Variants in DCUN1D2 observed in about 807,000 individuals in gnomAD.
DCUN1D2 encodes defective in cullin neddylation 1 domain containing 2.
A neutral mutation model predicts 30.9 loss-of-function variants in DCUN1D2; 29 were observed. That is an observed-to-expected ratio of 0.94 (90% CI 0.70 to 1.28). The LOEUF (loss-of-function observed/expected upper bound fraction) is 1.28, where lower values mean the gene tolerates loss of function less well. Ranked by LOEUF, DCUN1D2 falls within the 50% of genes most tolerant of loss-of-function variation. The pLI is 0.00. For missense variants in DCUN1D2, 325 were observed against 316.9 expected, an observed-to-expected ratio of 1.03 and a Z score of -0.19; for synonymous variants, 121 against 115.3, an observed-to-expected ratio of 1.05 and a Z score of -0.32.
intron 4 of DCUN1D2, among the ~76,000 whole-genome samples, chr13:113,463,345 A>G (rs1363515511): frequency 6.6e-6 from 1 of 152,190 alleles, no homozygotes; most frequent in Non-Finnish European, 1.5e-5. Flanking sequence ...AAAGTACCTT[A>G]GGGCAGACAT....
intron 4 of DCUN1D2, among the ~76,000 whole-genome samples, chr13:113,471,208 A>G (rs970384771): frequency 6.8e-6 from 1 of 146,608 alleles, no homozygotes; most frequent in Non-Finnish European, 1.5e-5. Flanking sequence ...AACTCCACAG[A>G]AGACCCAACT....
intron 2 of DCUN1D2, among the ~76,000 whole-genome samples, chr13:113,482,561 A>C (rs1404569057): frequency 6.6e-6 from 1 of 152,208 alleles, no homozygotes; most frequent in Non-Finnish European, 1.5e-5. Context: ...AGATTTTTTA[A>C]AGCAATTTTC....
At chr13:113,471,390 C>T (rs2044513341) in intron 4 of DCUN1D2, among the ~76,000 whole-genome samples, 2 of 152,228 alleles carry the variant, frequency 1.3e-5, no homozygotes, top group African/African-American at 4.8e-5. Flanking sequence ...GACCCAACTC[C>T]ACAGAGGACC....
chr13:113,477,015 T>C (rs1391786598), intron 3 of DCUN1D2, among the ~76,000 whole-genome samples: 7 of 152,240 alleles, frequency 4.6e-5, no homozygotes, highest in Admixed American at 2.0e-4. Flanking sequence ...ATTTATCTGA[T>C]CTGGCGCTTG....
intron 2 of DCUN1D2, among the ~76,000 whole-genome samples, chr13:113,481,644 G>T (rs1011486743): frequency 6.6e-6 from 1 of 152,220 alleles, no homozygotes; most frequent in Non-Finnish European, 1.5e-5. Context: ...AGCACTTTGG[G>T]AGGCCGAGGC....
chr13:113,472,038 C>T (rs1026796854), intron 4 of DCUN1D2, among the ~76,000 whole-genome samples: 10 of 152,242 alleles, frequency 6.6e-5, no homozygotes, highest in African/African-American at 2.2e-4. Flanking sequence ...CCCCCAACCC[C>T]GCCCTTTTCT....
At chr13:113,479,646 T>C (rs2265157) in intron 3 of DCUN1D2, among the ~76,000 whole-genome samples, 68,968 of 151,916 alleles carry the variant, frequency 0.45, 18,595 homozygotes, top group African/African-American at 0.75. Flanking sequence ...TCGCTTGAAC[T>C]CAGGAGACGG....
At chr13:113,465,496 A>G (rs1185037154) in intron 4 of DCUN1D2, among the ~76,000 whole-genome samples, 2 of 150,598 alleles carry the variant, frequency 1.3e-5, no homozygotes, top group African/African-American at 4.9e-5. Context: ...AAACAGAGAG[A>G]AGTAAAAAAA....
chr13:113,471,244 G>A (rs1186257435), intron 4 of DCUN1D2, among the ~76,000 whole-genome samples: 1 of 146,634 alleles, frequency 6.8e-6, no homozygotes, highest in African/African-American at 2.6e-5. Context: ...CTCCACAGAA[G>A]ACCCAACTTC....
chr13:113,475,124 G>C (rs1212518792), intron 3 of DCUN1D2, among the ~76,000 whole-genome samples: 2 of 152,200 alleles, frequency 1.3e-5, no homozygotes, highest in Non-Finnish European at 2.9e-5. Context: ...AAGCTTTAGA[G>C]CAGCTAGAAA....
At chr13:113,481,153 T>C (rs1658109887) in intron 2 of DCUN1D2, among the ~76,000 whole-genome samples, 1 of 152,220 alleles carries the variant, frequency 6.6e-6, no homozygotes, top group African/African-American at 2.4e-5. Flanking sequence ...ATCACAACTC[T>C]GCCAAAGTAA....
intron 3 of DCUN1D2, among the ~76,000 whole-genome samples, chr13:113,478,679 C>T (rs2044657877): frequency 6.6e-6 from 1 of 152,000 alleles, no homozygotes; most frequent in Non-Finnish European, 1.5e-5. Context: ...TTCTAATTTC[C>T]ATTGTAATTT....
chr13:113,465,790 C>CT (rs1440537846), intron 4 of DCUN1D2, among the ~76,000 whole-genome samples: 3 of 151,958 alleles, frequency 2.0e-5, no homozygotes, highest in Non-Finnish European at 4.4e-5. Flanking sequence ...CCTCAGCCTC[C>CT]TGAGTAGCAG....
chr13:113,455,833 A>C lies in DCUN1D2; in HGVS notation c.*2196T>G, dbSNP rs1373331611. On this transcript the variant is annotated 3_prime_UTR_variant, in exon 7 of 7. Transcript: ENST00000478244. ...AGGAAACCACGCCCGAGAAAAACCA[A>C]TTTAATGCTTCTGTTCTCAGCATTT... The C allele has an allele frequency of 6.1e-6, 1 of 163,980 alleles. No individual in the cohort carries two copies. The highest frequency in any genetic ancestry group is 1.3e-5 in the Non-Finnish European group (1 of 76,374). 10.2% of individuals were successfully genotyped at this position (163,980 alleles called of 1,614,324 possible).
Position 113,480,738 on chromosome 13 carries a change from G to A in DCUN1D2, c.226C>T (p.Gln76Ter), listed in dbSNP as rs1230489239. ...ERLYGRYKDP[Q>*]DENKIGVDGI... ...TCGACTCCAATTTTGTTTTCATCTT[G>A]TGGATCTGTAGTTAATATCAGGGGA... is the stretch of plus-strand genomic sequence containing the variant. The change falls in exon 3 of 7, where the codon CAA becomes TAA. Residue 76 changes from glutamine to a stop codon, truncating the protein, a stop_gained. Coordinates refer to ENST00000478244, the MANE Select transcript of DCUN1D2 (RefSeq NM_001014283.2). LOFTEE classifies it high-confidence loss of function. 2 of 1,613,830 alleles carry A rather than the reference G, an allele frequency of 1.2e-6. No individual in the cohort carries two copies. The highest frequency in any genetic ancestry group is 1.7e-6 in the Non-Finnish European group (2 of 1,179,942).
Position 113,456,113 on chromosome 13 carries a change from T to C in DCUN1D2, c.*1916A>G, listed in dbSNP as rs2044222003. 1 of 398,148 alleles carries C rather than the reference T, an allele frequency of 2.5e-6. No individual in the cohort carries two copies. The highest frequency in any genetic ancestry group is 2.1e-5 in the African/African-American group (1 of 48,650). The allele number at this position is 398,148 out of a possible 1,614,324, so 24.7% of individuals were successfully genotyped here. A position where few individuals can be genotyped will look rare whatever the true frequency, so the allele number is the denominator to read the frequency against. ...GATACGCTCACGTTTTTGAGGTTTG[T>C]ATTAATGCCAGTTTTTATTGTATTA... On this transcript the variant is annotated 3_prime_UTR_variant, in exon 7 of 7. Coordinates refer to ENST00000478244, the MANE Select transcript of DCUN1D2 (RefSeq NM_001014283.2).
intron 4 of DCUN1D2, among the ~76,000 whole-genome samples, chr13:113,467,859 C>CATGGAG (rs2044431884): frequency 6.6e-6 from 1 of 151,708 alleles, no homozygotes. Context: ...GCCTGACCAA[C>CATGGAG]ATGGAGAAAC....
chr13:113,466,777 C>T (rs2044409622), intron 4 of DCUN1D2, among the ~76,000 whole-genome samples: 1 of 151,540 alleles, frequency 6.6e-6, no homozygotes, highest in Non-Finnish European at 1.5e-5. Context: ...TTAAAGAATC[C>T]CCATTGCTGT....
At chr13:113,470,156 G>T (rs1228787299) in intron 4 of DCUN1D2, among the ~76,000 whole-genome samples, 1 of 152,228 alleles carries the variant, frequency 6.6e-6, no homozygotes, top group Non-Finnish European at 1.5e-5. Flanking sequence ...CTATGCTTCA[G>T]TGTGTTTGGA....
Sources: gnomAD v4.1 joint callset for allele counts (sites outside exome capture counted in the v4.1 genomes callset) on GRCh38, gnomAD v4.1.1 for gene constraint, MANE v1.5 for transcripts, NCBI Gene and HGNC (gene_info 2026-07-23, HGNC 2026-07-21) for gene names.